CTPS2: variants seen among roughly 807,000 people sequenced by gnomAD.
CTPS2 encodes CTP synthase 2.
Under a neutral mutation model 46.8 loss-of-function variants are expected in CTPS2, and 19 were observed. The observed-to-expected ratio is 0.41, with a 90% CI of 0.28 to 0.60. The LOEUF (loss-of-function observed/expected upper bound fraction) is 0.60. Among genes scored for constraint, CTPS2 ranks in the 20% least tolerant of loss-of-function variants. The probability of loss-of-function intolerance (pLI) is 0.35; values close to 1 mark genes in which losing one functional copy is unlikely to be tolerated. For missense variants in CTPS2, 286 were observed against 447.6 expected (o/e 0.64, Z 3.26); for synonymous variants, 151 against 165.2 (o/e 0.91, Z 0.66).
intron 17 of CTPS2, among the ~76,000 whole-genome samples, chrX:16,607,124 C>T (rs955154580): frequency 2.7e-5 from 3 of 112,912 alleles, no homozygotes; most frequent in Admixed American, 9.3e-5. Flanking sequence ...GTGGGCAGTC[C>T]ACACGAGCCA....
intron 1 of CTPS2, among the ~76,000 whole-genome samples, chrX:16,705,528 T>G (rs181466118): frequency 2.7e-5 from 3 of 112,394 alleles, no homozygotes; most frequent in African/African-American, 6.5e-5. Context: ...TCATATGCTA[T>G]TTTCATGTTT....
intron 14 of CTPS2, among the ~76,000 whole-genome samples, chrX:16,637,923 T>A (rs1197845938): frequency 8.9e-6 from 1 of 112,000 alleles, no homozygotes; most frequent in Non-Finnish European, 1.9e-5. Context: ...AAGCTCATAT[T>A]TCTGGTCTTA....
At chrX:16,597,107 G>A (rs1442136343) in intron 17 of CTPS2, among the ~76,000 whole-genome samples, 23 of 110,678 alleles carry the variant, frequency 2.1e-4, no homozygotes, top group South Asian at 7.7e-4. Flanking sequence ...TTTGTCAGAT[G>A]AGTAGGTTGC....
intron 1 of CTPS2, chrX:16,711,500 A>G (rs778280709): frequency 5.4e-5 from 6 of 111,117 alleles, no homozygotes; most frequent in Non-Finnish European, 1.1e-4. Context: ...GTTAGACACA[A>G]AAGAGTACTT....
chrX:16,683,988 T>C (rs192684770), intron 8 of CTPS2, among the ~76,000 whole-genome samples: 129 of 111,910 alleles, frequency 1.2e-3, no homozygotes, highest in African/African-American at 3.7e-3. Flanking sequence ...AAAAATTCCA[T>C]TCTACAGAAG....
At chrX:16,672,557 C>A (rs1279480258) in intron 10 of CTPS2, among the ~76,000 whole-genome samples, 3 of 111,709 alleles carry the variant, frequency 2.7e-5, no homozygotes, top group Non-Finnish European at 5.6e-5. Context: ...TTGAGCCTTG[C>A]CAGTAAGATA....
At chrX:16,608,194 C>T (rs1483807704) in intron 17 of CTPS2, among the ~76,000 whole-genome samples, 1 of 111,288 alleles carries the variant, frequency 9.0e-6, no homozygotes, top group Non-Finnish European at 1.9e-5. Context: ...GCCTGAGCAA[C>T]AGAGCAAGAC....
chrX:16,679,311 T>C (rs1922543232), intron 9 of CTPS2, among the ~76,000 whole-genome samples: 1 of 110,753 alleles, frequency 9.0e-6, no homozygotes, highest in African/African-American at 3.3e-5. Context: ...TGAGCTTAGA[T>C]TGTGCCACTG....
chrX:16,626,220 A>G (rs777071970), intron 14 of CTPS2, among the ~76,000 whole-genome samples: 1 of 110,811 alleles, frequency 9.0e-6, no homozygotes, highest in African/African-American at 3.3e-5. Flanking sequence ...CATCTCTACT[A>G]AATATACAAA....
intron 13 of CTPS2, among the ~76,000 whole-genome samples, chrX:16,664,448 A>C (rs1283348855): frequency 8.9e-6 from 1 of 111,769 alleles, no homozygotes; most frequent in Non-Finnish European, 1.9e-5. Flanking sequence ...AGCTATAAAA[A>C]AAAAGAGTGA....
At chrX:16,674,686 A>C (rs1426543410) in intron 10 of CTPS2, among the ~76,000 whole-genome samples, 2 of 106,109 alleles carry the variant, frequency 1.9e-5, no homozygotes, top group Non-Finnish European at 3.9e-5. Context: ...AAAATACAAA[A>C]AATTAGCCGG....
At chrX:16,679,147 T>C (rs1196862613) in intron 9 of CTPS2, among the ~76,000 whole-genome samples, 1 of 110,147 alleles carries the variant, frequency 9.1e-6, no homozygotes, top group Admixed American at 9.8e-5. Flanking sequence ...CATCTAAGGT[T>C]AGGAATTCAA....
chrX:16,675,926 C>T (rs762383952), intron 10 of CTPS2, among the ~76,000 whole-genome samples: 36 of 111,607 alleles, frequency 3.2e-4, no homozygotes, highest in East Asian at 2.8e-4. Context: ...GTTGCTGATC[C>T]TTTTTGTTTT....
At chrX:16,659,873 T>C (rs1414516564) in intron 13 of CTPS2, among the ~76,000 whole-genome samples, 1 of 111,486 alleles carries the variant, frequency 9.0e-6, no homozygotes, top group Non-Finnish European at 1.9e-5. Flanking sequence ...TTACTCATCT[T>C]ATAACTGCAA....
At chrX:16,623,604 T>C (rs1388093203) in intron 14 of CTPS2, among the ~76,000 whole-genome samples, 2 of 110,760 alleles carry the variant, frequency 1.8e-5, no homozygotes, top group Non-Finnish European at 3.8e-5. Flanking sequence ...TTCTTTGCTA[T>C]GGCTGAATAG....
At chrX:16,652,601 A>G (rs763278205) in intron 13 of CTPS2, among the ~76,000 whole-genome samples, 1 of 112,536 alleles carries the variant, frequency 8.9e-6, no homozygotes, top group African/African-American at 3.2e-5. Context: ...GAAGAAAAAT[A>G]ATCATCTAAC....
intron 14 of CTPS2, among the ~76,000 whole-genome samples, chrX:16,635,737 C>A (rs1931712890): frequency 8.9e-6 from 1 of 112,267 alleles, no homozygotes; most frequent in Non-Finnish European, 1.9e-5. Context: ...GTATGCCACT[C>A]AGTAGAGCCT....
At chrX:16,686,266 T>C (rs898576149) in intron 8 of CTPS2, among the ~76,000 whole-genome samples, 2 of 112,183 alleles carry the variant, frequency 1.8e-5, no homozygotes, top group South Asian at 3.7e-4. Flanking sequence ...GATAAAGGCT[T>C]GAGGTGATGG....
intron 8 of CTPS2, 37 bp downstream of exon 8, chrX:16,689,413 A>G (rs747607152): frequency 2.4e-5 from 29 of 1,186,116 alleles, no homozygotes; most frequent in Non-Finnish European, 3.3e-5. Flanking sequence ...AAACTCAAAA[A>G]TTATTAAAGA....
Sources: allele counts gnomAD v4.1 joint callset (sites outside exome capture counted in the v4.1 genomes callset), GRCh38; gene constraint gnomAD v4.1.1; transcripts MANE v1.5; gene names NCBI Gene and HGNC (gene_info 2026-07-23, HGNC 2026-07-21).